Variants in KCNH1 observed in about 807,000 individuals in gnomAD.
KCNH1 encodes the protein potassium voltage-gated channel subfamily H member 1, also known as voltage-gated delayed rectifier potassium channel KCNH1.
A neutral mutation model predicts 69.2 loss-of-function variants in KCNH1; 27 were observed. That is an observed-to-expected ratio of 0.39 (90% CI 0.29 to 0.54). The LOEUF (loss-of-function observed/expected upper bound fraction) is 0.54, where lower values mean the gene tolerates loss of function less well. Ranked by LOEUF, KCNH1 falls within the 20% of genes least tolerant of loss-of-function variation. The pLI, the probability that KCNH1 is intolerant of heterozygous loss-of-function variation, is 0.68. For missense variants in KCNH1, 798 were observed against 1,261.6 expected (o/e 0.63, Z 5.57); for synonymous variants, 456 against 487.7 (o/e 0.93, Z 0.86).
intron 10 of KCNH1, among the ~76,000 whole-genome samples, chr1:210,735,417 AGTGAGTGTGTGTGT>A (rs1433866279): frequency 0.01 from 1,178 of 116,052 alleles, 14 homozygotes; most frequent in Admixed American, 0.017. Context: ...TGAATGAGTG[AGTGAGTGTGTGTGT>A]GTGTGTGTGT....
At position 210,856,978 on chromosome 1, in the gene KCNH1, AT is replaced by A. The variant is rs1220952725; in HGVS notation, c.1463-52813del. Among the ~76,000 whole-genome samples the A allele has an allele frequency of 2.7e-5, 4 of 149,320 alleles. No homozygotes were observed. The East Asian group carries it at 8.1e-4, about 30-fold the overall frequency. Reference sequence around the variant, plus strand: ...GGAGGTCTTGAATCTAAACTTTTTAATAGCATCATGGATAAGTTGGATGCAC... The same window carrying A: ...GGAGGTCTTGAATCTAAACTTTTTAAAGCATCATGGATAAGTTGGATGCAC... On this transcript the variant is annotated intron_variant, in intron 7 of 10. Transcript: ENST00000271751.
intron 6 of KCNH1, among the ~76,000 whole-genome samples, chr1:210,940,026 A>G (rs1687848888): frequency 6.6e-6 from 1 of 152,230 alleles, no homozygotes. Flanking sequence ...TTCAAGAATA[A>G]ATATTCCATG....
At chr1:210,992,421 T>A (rs1392098234) in intron 6 of KCNH1, among the ~76,000 whole-genome samples, 2 of 152,146 alleles carry the variant, frequency 1.3e-5, no homozygotes, top group Non-Finnish European at 2.9e-5. Flanking sequence ...CCTCTAAAAT[T>A]CCCAAGGCGC....
At chr1:211,043,420 C>A (rs1690037604) in intron 5 of KCNH1, among the ~76,000 whole-genome samples, 1 of 152,004 alleles carries the variant, frequency 6.6e-6, no homozygotes, top group Non-Finnish European at 1.5e-5. Context: ...ATTAGATACC[C>A]TAAACAGATG....
chr1:210,986,836 G>A (rs753701703), intron 6 of KCNH1, among the ~76,000 whole-genome samples: 36 of 152,190 alleles, frequency 2.4e-4, no homozygotes, highest in Non-Finnish European at 4.9e-4. Context: ...GGCCTGTCTT[G>A]CTAGATTGGG....
chr1:211,006,392 C>G (rs77859915), intron 6 of KCNH1, among the ~76,000 whole-genome samples: 5,769 of 152,254 alleles, frequency 0.038, 220 homozygotes, highest in South Asian at 0.12. Context: ...CTGATGGACT[C>G]AAAAGCATTC....
At chr1:210,762,172 C>A (rs766197596) in intron 10 of KCNH1, among the ~76,000 whole-genome samples, 30 of 151,744 alleles carry the variant, frequency 2.0e-4, no homozygotes, top group Admixed American at 6.6e-5. Context: ...AAAAATTCTT[C>A]GAAACAAATG....
chr1:210,806,449 T>C (rs1684551727), intron 7 of KCNH1, among the ~76,000 whole-genome samples: 1 of 152,152 alleles, frequency 6.6e-6, no homozygotes, highest in Admixed American at 6.6e-5. Flanking sequence ...TGGATACAAG[T>C]CCCTTCTCAG....
Position 210,683,944 on chromosome 1 carries a change from G to A in KCNH1, c.2307C>T (p.Gly769=), listed in dbSNP as rs750986791. ...RDLDDLDVEK[G]NVLTEHASAN... is the part of the protein sequence containing the mutation. ...CGGAGGCATGCTCTGTAAGGACATT[G>A]CCCTTCTCCACATCTAGGTCATCCA... The change falls in exon 11 of 11, where the codon GGC becomes GGT. Residue 769 remains glycine (G), a synonymous_variant. Transcript: ENST00000271751. This position sits in a 1 kb window ranked among gnomAD's most constrained non-coding sequence, Gnocchi z 5.7. 11 of 1,607,924 alleles carry A rather than the reference G, an allele frequency of 6.8e-6. No homozygotes were observed. In the East Asian group the frequency reaches 2.0e-4, roughly 29 times the overall value.
chr1:210,847,926 G>A (rs1401765407), intron 7 of KCNH1, among the ~76,000 whole-genome samples: 4 of 152,136 alleles, frequency 2.6e-5, no homozygotes, highest in Non-Finnish European at 5.9e-5. Context: ...GGTCAGAGAT[G>A]AAGAGTGGAA....
chr1:210,952,373 T>C (rs1432038588), intron 6 of KCNH1, among the ~76,000 whole-genome samples: 3 of 152,180 alleles, frequency 2.0e-5, no homozygotes, highest in South Asian at 2.1e-4. Context: ...GCCTCATCTT[T>C]CTATCAGTCT....
intron 9 of KCNH1, among the ~76,000 whole-genome samples, chr1:210,792,233 T>C (rs1684225223): frequency 6.6e-6 from 1 of 152,150 alleles, no homozygotes; most frequent in East Asian, 1.9e-4. Context: ...GGCTCACCAT[T>C]TTTCCTGAGC....
At chr1:210,917,217 G>A (rs1162231984) in intron 7 of KCNH1, among the ~76,000 whole-genome samples, 1 of 88,614 alleles carries the variant, frequency 1.1e-5, no homozygotes, top group African/African-American at 4.2e-5. Context: ...CAGAGAGAGA[G>A]AGAGAGAGAG....
At chr1:211,026,169 T>C (rs540435084) in intron 5 of KCNH1, among the ~76,000 whole-genome samples, 1 of 152,264 alleles carries the variant, frequency 6.6e-6, no homozygotes, top group Admixed American at 6.5e-5. Context: ...GAAGACATAT[T>C]TTTCCCTATT....
At chr1:210,805,742 C>T (rs1241586910) in intron 7 of KCNH1, among the ~76,000 whole-genome samples, 1 of 152,174 alleles carries the variant, frequency 6.6e-6, no homozygotes, top group East Asian at 1.9e-4. Context: ...CATTAACAAT[C>T]ATCCTCCATT....
intron 6 of KCNH1, among the ~76,000 whole-genome samples, chr1:210,961,678 T>A (rs1688297465): frequency 6.6e-6 from 1 of 151,854 alleles, no homozygotes; most frequent in Admixed American, 6.6e-5. Flanking sequence ...CCTTCTCTAC[T>A]AAAAATAAAA....
chr1:210,989,380 G>A (rs774271862), intron 6 of KCNH1, among the ~76,000 whole-genome samples: 6 of 152,158 alleles, frequency 3.9e-5, no homozygotes, highest in Non-Finnish European at 7.3e-5. Context: ...TTATAGCCAC[G>A]AGCTGAGATT....
At chr1:210,755,267 G>C (rs1302941592) in intron 10 of KCNH1, among the ~76,000 whole-genome samples, 2 of 152,212 alleles carry the variant, frequency 1.3e-5, no homozygotes, top group African/African-American at 4.8e-5. Flanking sequence ...ATTACTTATA[G>C]AGAGAATCCA....
Position 210,844,673 on chromosome 1 carries a change from A to G in KCNH1, c.1463-40507T>C, listed in dbSNP as rs12741378. ...TAACATCACCATTAAAAGAACTAGA[A>G]AAGCAAGAGCAAACACATTCAAACG... On this transcript the variant is annotated intron_variant, in intron 7 of 10. Transcript: ENST00000271751. Among the ~76,000 whole-genome samples the G allele has an allele frequency of 4.6e-5, 7 of 152,282 alleles. No individual in the cohort carries two copies. In the South Asian group the frequency reaches 1.4e-3, roughly 32 times the overall value.
Sources: gnomAD v4.1 joint callset for allele counts (sites outside exome capture counted in the v4.1 genomes callset) on GRCh38, gnomAD v4.1.1 for gene constraint, Gnocchi (gnomAD v3.1) non-coding constraint, MANE v1.5 for transcripts, NCBI Gene and HGNC (gene_info 2026-07-23, HGNC 2026-07-21) for gene names.